The following BABAM2 variants were observed in gnomAD, a reference collection of about 807,000 sequenced individuals.
BABAM2 encodes BRISC and BRCA1-A complex member 2.
In BABAM2, 31 loss-of-function variants were observed where a neutral mutation model predicts 54.7. The observed-to-expected ratio is 0.57, with a 90% CI of 0.43 to 0.77. The LOEUF (loss-of-function observed/expected upper bound fraction) is 0.77. Ranked by LOEUF, BABAM2 falls within the 30% of genes least tolerant of loss-of-function variation. The probability of loss-of-function intolerance (pLI) is 0.00; values close to 1 mark genes in which losing one functional copy is unlikely to be tolerated. For synonymous variants in BABAM2, 167 were observed against 162.9 expected (o/e 1.03, Z -0.19); for missense variants, 364 against 455.8 (o/e 0.80, Z 1.83).
rs1558347181 is a variant in BABAM2, at chr2:28,112,185, C to CCTTCCTTCCTTCCTT, written c.571-17085_571-17084insTTCCTTCCTTCCTTC. ...TCCCTCCCTCCCTCCCTCCCTCCCT[C>CCTTCCTTCCTTCCTT]CCTCCCTCCCTCCCTTCCTTCCTTC... On this transcript the variant is annotated intron_variant, in intron 6 of 11. Transcript: ENST00000379624. Among the ~76,000 whole-genome samples the CCTTCCTTCCTTCCTT allele has an allele frequency of 1.5e-3, 45 of 30,562 alleles. 8 individuals carry two copies. Among genetic ancestry groups the CCTTCCTTCCTTCCTT allele is most frequent in the Middle Eastern group, 0.017 (1 of 58 alleles). 20.0% of individuals were successfully genotyped at this position (30,562 alleles called of 152,430 possible).
At chr2:28,142,797 C>T (rs7575930) in intron 7 of BABAM2, among the ~76,000 whole-genome samples, 37,387 of 151,810 alleles carry the variant, frequency 0.25, 4,793 homozygotes, top group South Asian at 0.47. Context: ...ATTTTGAGAG[C>T]TTTTAAGGAT....
chr2:27,932,700 T>A (rs1328205076), intron 3 of BABAM2, among the ~76,000 whole-genome samples: 1 of 152,188 alleles, frequency 6.6e-6, no homozygotes, highest in Non-Finnish European at 1.5e-5. Flanking sequence ...GAGCTTTTGC[T>A]TACTCTTCCT....
chr2:28,248,733 T>G (rs748809247), intron 10 of BABAM2, among the ~76,000 whole-genome samples: 6 of 152,202 alleles, frequency 3.9e-5, no homozygotes, highest in Non-Finnish European at 8.8e-5. Context: ...TGACAAGCTG[T>G]CTTTTTCCAT....
At chr2:28,261,540 C>A (rs1274170839) in intron 10 of BABAM2, among the ~76,000 whole-genome samples, 1 of 151,958 alleles carries the variant, frequency 6.6e-6, no homozygotes, top group East Asian at 1.9e-4. Flanking sequence ...TCATTTCACC[C>A]TGTTAGCCAG....
At chr2:28,142,900 A>G (rs570166656) in intron 7 of BABAM2, among the ~76,000 whole-genome samples, 2 of 152,246 alleles carry the variant, frequency 1.3e-5, no homozygotes, top group South Asian at 2.1e-4. Flanking sequence ...TGTTCATTCA[A>G]TATGAAAACC....
intron 3 of BABAM2, among the ~76,000 whole-genome samples, chr2:27,961,553 TAAC>T (rs995555953): frequency 5.3e-5 from 8 of 152,126 alleles, no homozygotes; most frequent in Admixed American, 1.3e-4. Flanking sequence ...ATTTTTTACT[TAAC>T]AATATTTTCA....
rs553305713 is a variant in BABAM2 at position 28,124,416 on chromosome 2, A to C, written c.571-4855A>C. On this transcript the variant is annotated intron_variant, in intron 6 of 11. Transcript: ENST00000379624. Reference sequence around the variant, plus strand: ...TTCAAGGTTGAATACTCTATCATCTATAAAAGAGCAAGAAGTGATCAGTAA... The same window carrying C: ...TTCAAGGTTGAATACTCTATCATCTCTAAAAGAGCAAGAAGTGATCAGTAA... Among the ~76,000 whole-genome samples the C allele has an allele frequency of 2.6e-5, 4 of 152,362 alleles. No individual in the cohort carries two copies. In the South Asian group the frequency reaches 8.3e-4, roughly 32 times the overall value.
intron 10 of BABAM2, among the ~76,000 whole-genome samples, chr2:28,268,017 AGAC>A (rs1240128593): frequency 6.6e-6 from 1 of 152,252 alleles, no homozygotes; most frequent in Non-Finnish European, 1.5e-5. Flanking sequence ...TACACAATAA[AGAC>A]GAAATCTTAG....
chr2:27,929,739 A>G (rs1352949629), intron 2 of BABAM2, 93 bp from the exon 3 acceptor site: 4 of 1,133,884 alleles, frequency 3.5e-6, no homozygotes, highest in Non-Finnish European at 5.1e-6. Flanking sequence ...TTTTGTATAA[A>G]GATCCTGTTT....
intron 4 of BABAM2, among the ~76,000 whole-genome samples, chr2:27,994,696 A>G (rs1179484568): frequency 6.6e-6 from 1 of 152,160 alleles, no homozygotes; most frequent in Non-Finnish European, 1.5e-5. Context: ...TATCCATTCT[A>G]CTATTGATTG....
intron 7 of BABAM2, among the ~76,000 whole-genome samples, chr2:28,176,621 A>C (rs1040556797): frequency 6.7e-6 from 1 of 149,018 alleles, no homozygotes; most frequent in African/African-American, 2.4e-5. Flanking sequence ...AAGAGAACAC[A>C]GATAAACCGT....
chr2:27,892,827 G>A (rs1165500065), intron 1 of BABAM2, among the ~76,000 whole-genome samples: 1 of 152,158 alleles, frequency 6.6e-6, no homozygotes, highest in Non-Finnish European at 1.5e-5. Context: ...GCGGTCATCT[G>A]TTAAGCGGTC....
intron 6 of BABAM2, among the ~76,000 whole-genome samples, chr2:28,085,410 A>T (rs1245362537): frequency 6.6e-6 from 1 of 152,218 alleles, no homozygotes; most frequent in Non-Finnish European, 1.5e-5. Context: ...CTTCTATGGC[A>T]CTGAATTTCA....
chr2:27,976,392 A>C (rs1439131704), intron 3 of BABAM2, among the ~76,000 whole-genome samples: 1 of 152,142 alleles, frequency 6.6e-6, no homozygotes, highest in Non-Finnish European at 1.5e-5. Context: ...GGAGCAAGCT[A>C]TTGATACATG....
intron 11 of BABAM2, among the ~76,000 whole-genome samples, chr2:28,305,661 T>A: frequency 6.6e-6 from 1 of 152,174 alleles, no homozygotes; most frequent in East Asian, 1.9e-4. Flanking sequence ...CAAAAAATAT[T>A]TAGTGTCTTT....
At chr2:28,167,606 A>G (rs1389220589) in intron 7 of BABAM2, among the ~76,000 whole-genome samples, 1 of 151,870 alleles carries the variant, frequency 6.6e-6, no homozygotes, top group Non-Finnish European at 1.5e-5. Context: ...AGGCAGGAGA[A>G]TCGCTTGAAC....
chr2:28,327,576 A>G, intron 11 of BABAM2: 1 of 1,063,212 alleles, frequency 9.4e-7, no homozygotes, highest in South Asian at 1.9e-5. Flanking sequence ...TTAATTCAAC[A>G]CATACTGAGA....
At chr2:28,305,700 T>C (rs977485754) in intron 11 of BABAM2, among the ~76,000 whole-genome samples, 9 of 152,226 alleles carry the variant, frequency 5.9e-5, no homozygotes, top group Admixed American at 3.9e-4. Context: ...CAGATTGCTG[T>C]ATTTCTTCTT....
chr2:28,037,967 G>T (rs1004759420), intron 5 of BABAM2, among the ~76,000 whole-genome samples: 1 of 152,178 alleles, frequency 6.6e-6, no homozygotes, highest in African/African-American at 2.4e-5. Context: ...CCTAGAAGGG[G>T]AAGAGAAAGG....
Sources: gnomAD v4.1 joint callset for allele counts (sites outside exome capture counted in the v4.1 genomes callset) on GRCh38, gnomAD v4.1.1 for gene constraint, MANE v1.5 for transcripts, NCBI Gene and HGNC (gene_info 2026-07-23, HGNC 2026-07-21) for gene names.